Variants in CSNK1G1 observed in about 807,000 individuals in gnomAD.
The protein encoded by CSNK1G1 is casein kinase 1 gamma 1.
In CSNK1G1, 22 loss-of-function variants were observed where a neutral mutation model predicts 59.6. That is an observed-to-expected ratio of 0.37 (90% CI 0.26 to 0.53). CSNK1G1 has a LOEUF of 0.53. CSNK1G1 is among the 20% of genes least tolerant of loss of function. The probability of loss-of-function intolerance (pLI) is 0.89; values close to 1 mark genes in which losing one functional copy is unlikely to be tolerated. For missense variants in CSNK1G1, 384 were observed against 519.5 expected (o/e 0.74, Z 2.54); for synonymous variants, 179 against 177.1 (o/e 1.01, Z -0.08).
At chr15:64,206,593 A>C (rs2082185262) in intron 7 of CSNK1G1, among the ~76,000 whole-genome samples, 3 of 98,276 alleles carry the variant, frequency 3.1e-5, no homozygotes, top group Non-Finnish European at 5.5e-5. Flanking sequence ...TCTCAAAAAA[A>C]AAAAAAAAAA....
chr15:64,323,394 T>C (rs1284058087), intron 1 of CSNK1G1, among the ~76,000 whole-genome samples: 1 of 151,976 alleles, frequency 6.6e-6, no homozygotes, highest in Non-Finnish European at 1.5e-5. Flanking sequence ...AGACAGAGTT[T>C]CACTTTTGTT....
At chr15:64,315,141 C>T (rs768567894) in intron 1 of CSNK1G1, among the ~76,000 whole-genome samples, 10 of 151,920 alleles carry the variant, frequency 6.6e-5, no homozygotes, top group Non-Finnish European at 1.2e-4. Context: ...AGTATTGGTG[C>T]GGATGAGAAG....
chr15:64,353,879 T>C (rs1479956226), intron 1 of CSNK1G1, among the ~76,000 whole-genome samples: 1 of 152,234 alleles, frequency 6.6e-6, no homozygotes, highest in Non-Finnish European at 1.5e-5. Context: ...GATTTATTTC[T>C]ATATCGTAAT....
At chr15:64,346,160 GGTGGGCAGATCAGGAATTCAAGACCA>G (rs1897952797) in intron 1 of CSNK1G1, among the ~76,000 whole-genome samples, 1 of 151,886 alleles carries the variant, frequency 6.6e-6, no homozygotes, top group African/African-American at 2.4e-5. Flanking sequence ...TGGAGGCAAA[GGTGGGCAGATCAGGAATTCAAGACCA>G]GACTGGGCAA....
chr15:64,300,266 C>G, intron 2 of CSNK1G1, 53 bp downstream of exon 2: 2 of 1,528,514 alleles, frequency 1.3e-6, no homozygotes, highest in South Asian at 2.3e-5. Flanking sequence ...CACACCAAAG[C>G]TTATCATAGG....
intron 3 of CSNK1G1, among the ~76,000 whole-genome samples, chr15:64,258,976 C>T (rs1020345649): frequency 2.0e-5 from 3 of 151,906 alleles, no homozygotes; most frequent in Non-Finnish European, 4.4e-5. Flanking sequence ...TTTGAGTCAT[C>T]ATTGCTAACA....
intron 2 of CSNK1G1, among the ~76,000 whole-genome samples, chr15:64,269,948 T>C (rs1893193939): frequency 6.6e-6 from 1 of 151,928 alleles, no homozygotes; most frequent in African/African-American, 2.4e-5. Context: ...AAATTACAGG[T>C]GCACGCCACC....
At chr15:64,204,340 A>G in intron 9 of CSNK1G1, 101 bp downstream of exon 9, 1 of 1,006,854 alleles carries the variant, frequency 9.9e-7, no homozygotes, top group Non-Finnish European at 1.4e-6. Context: ...TATTTTTACC[A>G]AAGATTCAAG....
At chr15:64,226,200 A>G (rs2082458947) in intron 4 of CSNK1G1, among the ~76,000 whole-genome samples, 1 of 152,200 alleles carries the variant, frequency 6.6e-6, no homozygotes, top group African/African-American at 2.4e-5. Context: ...AAATAAAAAC[A>G]GGTAAAAGTG....
intron 1 of CSNK1G1, among the ~76,000 whole-genome samples, chr15:64,302,136 G>A (rs576622644): frequency 2.6e-5 from 4 of 152,148 alleles, no homozygotes; most frequent in East Asian, 1.9e-4. Context: ...AATTTCGCTC[G>A]TTGCCTAGGC....
intron 4 of CSNK1G1, among the ~76,000 whole-genome samples, chr15:64,225,309 T>TAAACCTAA (rs2082444760): frequency 6.6e-6 from 1 of 152,124 alleles, no homozygotes; most frequent in African/African-American, 2.4e-5. Context: ...GGCCAACCTA[T>TAAACCTAA]GGCTGCCTTC....
At chr15:64,235,560 T>C (rs1034582687) in intron 4 of CSNK1G1, among the ~76,000 whole-genome samples, 5 of 152,158 alleles carry the variant, frequency 3.3e-5, no homozygotes, top group Non-Finnish European at 7.3e-5. Flanking sequence ...ACAAAATATA[T>C]GTAGCTTAAA....
chr15:64,194,224 G>A (rs1596074188), intron 10 of CSNK1G1: 1 of 152,322 alleles, frequency 6.6e-6, no homozygotes, highest in South Asian at 2.1e-4. Context: ...ACTGCACGCA[G>A]GTCACAAGGA....
intron 4 of CSNK1G1, among the ~76,000 whole-genome samples, chr15:64,228,631 T>A (rs2082495907): frequency 6.6e-6 from 1 of 151,738 alleles, no homozygotes; most frequent in African/African-American, 2.4e-5. Flanking sequence ...CAAGACTCCG[T>A]CTCAAAAAAA....
intron 4 of CSNK1G1, among the ~76,000 whole-genome samples, chr15:64,217,533 A>G (rs1226115111): frequency 6.6e-6 from 1 of 152,174 alleles, no homozygotes; most frequent in Non-Finnish European, 1.5e-5. Flanking sequence ...AAATAGGATT[A>G]CAGACGCCAG....
intron 10 of CSNK1G1, chr15:64,181,244 A>G (rs1192803702): frequency 1.3e-6 from 2 of 1,535,724 alleles, no homozygotes; most frequent in Non-Finnish European, 1.7e-6. Context: ...GGTCCCCGAA[A>G]TGTAAGTGAA....
intron 1 of CSNK1G1, among the ~76,000 whole-genome samples, chr15:64,342,183 C>G (rs943247802): frequency 2.0e-5 from 3 of 152,200 alleles, no homozygotes; most frequent in Non-Finnish European, 4.4e-5. Flanking sequence ...CTTCAAGAGG[C>G]TTTAGAGGCA....
chr15:64,310,319 T>C lies in CSNK1G1; in HGVS notation c.-224-9596A>G, dbSNP rs138672944. ...ATTCTCAGCCTCAATATCAATTTAC[T>C]TCCCTCCACTTGATTCACCTTTTCC... On this transcript the variant is annotated intron_variant, in intron 1 of 11. Transcript: ENST00000303052. Among the ~76,000 whole-genome samples, 927 of 152,198 alleles carry C rather than the reference T, an allele frequency of 6.1e-3. 2 individuals are homozygous for C. The highest frequency in any genetic ancestry group is 0.01 in the Admixed American group (155 of 15,274).
chr15:64,192,253 ATTACT>A (rs2081981732), intron 10 of CSNK1G1, among the ~76,000 whole-genome samples: 1 of 152,230 alleles, frequency 6.6e-6, no homozygotes. Flanking sequence ...ATTTCTCTGC[ATTACT>A]TGAAAAGCAG....
Sources: allele counts gnomAD v4.1 joint callset (sites outside exome capture counted in the v4.1 genomes callset), GRCh38; gene constraint gnomAD v4.1.1; transcripts MANE v1.5; gene names NCBI Gene and HGNC (gene_info 2026-07-23, HGNC 2026-07-21).